ERBB4: variants seen among roughly 807,000 people sequenced by gnomAD.
ERBB4 encodes erb-b2 receptor tyrosine kinase 4, also known as receptor tyrosine-protein kinase erbB-4.
A neutral mutation model predicts 158.0 loss-of-function variants in ERBB4; 42 were observed. The observed-to-expected ratio is 0.27, with a 90% confidence interval of 0.21 to 0.34. ERBB4 has a LOEUF of 0.34. ERBB4 is among the 10% of genes least tolerant of loss of function. The pLI, the probability that ERBB4 is intolerant of heterozygous loss-of-function variation, is 1.00. For missense variants in ERBB4, 1,333 were observed against 1,624.1 expected (o/e 0.82, Z 3.08); for synonymous variants, 583 against 558.7 (o/e 1.04, Z -0.61).
chr2:212,453,982 C>T (rs1364949213), intron 1 of ERBB4, among the ~76,000 whole-genome samples: 1 of 151,756 alleles, frequency 6.6e-6, no homozygotes, highest in Non-Finnish European at 1.5e-5. Context: ...ACTCTATTGC[C>T]CAAGCTGGAA....
chr2:212,399,088 G>A (rs1030355339), intron 1 of ERBB4, among the ~76,000 whole-genome samples: 2 of 151,798 alleles, frequency 1.3e-5, no homozygotes, highest in African/African-American at 4.8e-5. Context: ...GACTAAAGAT[G>A]CCCACCACCA....
At chr2:211,695,551 A>G (rs991866740) in intron 12 of ERBB4, among the ~76,000 whole-genome samples, 5 of 152,328 alleles carry the variant, frequency 3.3e-5, no homozygotes, top group Non-Finnish European at 7.4e-5. Context: ...AAAAATAAAT[A>G]TATTTCAAGG....
At chr2:211,411,094 A>C (rs2125377910) in intron 25 of ERBB4, among the ~76,000 whole-genome samples, 1 of 152,308 alleles carries the variant, frequency 6.6e-6, no homozygotes, top group South Asian at 2.1e-4. Context: ...CTTTTAGTAG[A>C]GATGGGGTTT....
At chr2:211,736,992 C>T (rs973468333) in intron 5 of ERBB4, among the ~76,000 whole-genome samples, 8 of 152,128 alleles carry the variant, frequency 5.3e-5, no homozygotes, top group Non-Finnish European at 5.9e-5. Context: ...AAAGTCATGT[C>T]GCGATAAAGA....
At chr2:211,877,910 C>A (rs1364141627) in intron 3 of ERBB4, among the ~76,000 whole-genome samples, 1 of 152,104 alleles carries the variant, frequency 6.6e-6, no homozygotes, top group Non-Finnish European at 1.5e-5. Flanking sequence ...GTGTTTGAGA[C>A]CAGCCTGGCC....
Position 212,139,854 on chromosome 2 carries a change from T to G in ERBB4, c.83-14951A>C, listed in dbSNP as rs554011291. Among the ~76,000 whole-genome samples, 3 of 152,014 alleles carry G rather than the reference T, an allele frequency of 2.0e-5. No individual in the cohort carries two copies. In the East Asian group the frequency reaches 5.8e-4, roughly 29 times the overall value. ...CAATTTTTAAAATTTGAAGCACACCTTTTCCGAACATGACTCATTTTCAGT... is the reference window on the plus strand; with the variant it reads ...CAATTTTTAAAATTTGAAGCACACCGTTTCCGAACATGACTCATTTTCAGT... On this transcript the variant is annotated intron_variant, in intron 1 of 27. Coordinates refer to ENST00000342788, the MANE Select transcript of ERBB4 (RefSeq NM_005235.3).
chr2:211,637,273 C>G (rs2070396169), intron 16 of ERBB4, among the ~76,000 whole-genome samples: 1 of 151,882 alleles, frequency 6.6e-6, no homozygotes, highest in Non-Finnish European at 1.5e-5. Flanking sequence ...CCTATTGACT[C>G]TCTATTAAAA....
At chr2:211,657,954 C>T (rs773212544) in intron 15 of ERBB4, 126 bp from the exon 16 acceptor site, 28 of 1,607,292 alleles carry the variant, frequency 1.7e-5, no homozygotes, top group African/African-American at 9.3e-5. Flanking sequence ...AAGTACCTAT[C>T]CATCAGGCCG....
chr2:212,112,334 A>G (rs983353511), intron 2 of ERBB4, among the ~76,000 whole-genome samples: 2 of 152,118 alleles, frequency 1.3e-5, no homozygotes, highest in African/African-American at 4.8e-5. Context: ...AGTTTTCCTT[A>G]TACCCACTGT....
intron 1 of ERBB4, among the ~76,000 whole-genome samples, chr2:212,196,421 A>G (rs2082428923): frequency 6.6e-6 from 1 of 152,022 alleles, no homozygotes; most frequent in Non-Finnish European, 1.5e-5. Context: ...TGGCAGAGGC[A>G]GAAGAAGGGG....
intron 1 of ERBB4, among the ~76,000 whole-genome samples, chr2:212,371,824 C>A (rs1276047705): frequency 2.0e-5 from 3 of 152,144 alleles, no homozygotes; most frequent in Non-Finnish European, 2.9e-5. Context: ...TCTCTCCTCT[C>A]CACTTAAAGA....
intron 3 of ERBB4, among the ~76,000 whole-genome samples, chr2:211,856,398 T>TTATTTATTTATC (rs1553646934): frequency 0.17 from 24,735 of 144,196 alleles, 2,255 homozygotes; most frequent in South Asian, 0.25. Flanking sequence ...ATTTATTTAT[T>TTATTTATTTATC]TATCTGAGAT....
At chr2:211,386,389 AT>A (rs1462035255) in intron 27 of ERBB4, among the ~76,000 whole-genome samples, 4 of 152,216 alleles carry the variant, frequency 2.6e-5, no homozygotes, top group Non-Finnish European at 4.4e-5. Flanking sequence ...GGTTGTTTAA[AT>A]GTCATCATTT....
chr2:211,580,811 T>TATATATATAA (rs2068055082), intron 19 of ERBB4, among the ~76,000 whole-genome samples: 1 of 52,390 alleles, frequency 1.9e-5, no homozygotes, highest in African/African-American at 1.4e-4. Flanking sequence ...TATATATATA[T>TATATATATAA]AATATATATA....
At chr2:211,864,169 G>A (rs534508307) in intron 3 of ERBB4, among the ~76,000 whole-genome samples, 3 of 152,260 alleles carry the variant, frequency 2.0e-5, no homozygotes, top group Admixed American at 6.5e-5. Flanking sequence ...CCTTTCCTCT[G>A]TGGGTGTTCT....
chr2:211,938,371 C>T (rs1406705798), intron 3 of ERBB4, among the ~76,000 whole-genome samples: 1 of 152,108 alleles, frequency 6.6e-6, no homozygotes, highest in Non-Finnish European at 1.5e-5. Flanking sequence ...TTGTGATTCT[C>T]CACGTTATTG....
chr2:212,062,110 T>C lies in ERBB4; in HGVS notation c.234+62642A>G, dbSNP rs148029395. 5.8e-3 allele frequency among the ~76,000 whole-genome samples: 885 copies of C among 152,324 alleles called. 10 individuals carry two copies. The highest frequency in any genetic ancestry group is 0.02 in the African/African-American group (830 of 41,566). On this transcript the variant is annotated intron_variant, in intron 2 of 27. Transcript: ENST00000342788. ...GAAATAGTATTATTTGTATTAGATATGCTCATTGTGAGTAGCCATCAGAAT... is the reference window on the plus strand; with the variant it reads ...GAAATAGTATTATTTGTATTAGATACGCTCATTGTGAGTAGCCATCAGAAT...
chr2:211,578,031 T>A (rs754395756), intron 19 of ERBB4, among the ~76,000 whole-genome samples: 1 of 151,126 alleles, frequency 6.6e-6, no homozygotes, highest in African/African-American at 2.4e-5. Context: ...CTGTAGATAA[T>A]ATGATCCCAC....
intron 1 of ERBB4, among the ~76,000 whole-genome samples, chr2:212,142,312 T>C (rs564499615): frequency 2.0e-5 from 3 of 152,046 alleles, no homozygotes; most frequent in Admixed American, 1.3e-4. Flanking sequence ...TTGGAAGTAC[T>C]TGACCCATAG....
Sources: allele counts gnomAD v4.1 joint callset (sites outside exome capture counted in the v4.1 genomes callset), GRCh38; gene constraint gnomAD v4.1.1; transcripts MANE v1.5; gene names NCBI Gene and HGNC (gene_info 2026-07-23, HGNC 2026-07-21).